ASRGL1: variants seen among roughly 807,000 people sequenced by gnomAD.
ASRGL1 encodes asparaginase and isoaspartyl peptidase 1, also known as isoaspartyl peptidase/L-asparaginase.
Under a neutral mutation model 22.4 loss-of-function variants are expected in ASRGL1, and 16 were observed. That is an observed-to-expected ratio of 0.71 (90% CI 0.48 to 1.08). The LOEUF (loss-of-function observed/expected upper bound fraction) is 1.08. Among genes scored for constraint, ASRGL1 ranks in the 50% least tolerant of loss-of-function variants. The probability of loss-of-function intolerance (pLI) is 0.00; values close to 1 mark genes in which losing one functional copy is unlikely to be tolerated. For missense variants in ASRGL1, 412 were observed against 410.1 expected (o/e 1.00, Z -0.04); for synonymous variants, 165 against 159.3 (o/e 1.04, Z -0.27).
intron 4 of ASRGL1, among the ~76,000 whole-genome samples, chr11:62,366,334 A>G (rs1332288903): frequency 6.8e-6 from 1 of 146,980 alleles, no homozygotes; most frequent in African/African-American, 2.5e-5. Context: ...TTCAAGATAC[A>G]TTTACCACAG....
Position 62,366,575 on chromosome 11 carries a change from T to C in ASRGL1, c.491+9431T>C, listed in dbSNP as rs1446917400. ...GAGCATTTTACATTTGTTTATGGGT[T>C]TTTCCTTTTTACAAATTTGCCTAGT... is the stretch of plus-strand genomic sequence containing the variant. On this transcript the variant is annotated intron_variant, in intron 4 of 6. Transcript: ENST00000415229. Among the ~76,000 whole-genome samples the C allele has an allele frequency of 8.9e-5, 13 of 146,810 alleles. 1 individual carries two copies. Among genetic ancestry groups the C allele is most frequent in the Admixed American group, 5.5e-4 (8 of 14,566 alleles).
At chr11:62,358,371 GAAAAAAAA>G (rs34743439) in intron 4 of ASRGL1, among the ~76,000 whole-genome samples, 1 of 111,844 alleles carries the variant, frequency 8.9e-6, no homozygotes, top group East Asian at 2.6e-4. Flanking sequence ...CTCCGTCTCA[GAAAAAAAA>G]AAAAAAAAAA....
At position 62,389,201 on chromosome 11, in the gene ASRGL1, G is replaced by A; in HGVS notation, c.560G>A (p.Gly187Asp). ...AATGTAGCCTACGCAACCTCCACAGGCGGTATCGTTAATAAAATGGTCGGC... is the reference window on the plus strand; with the variant it reads ...AATGTAGCCTACGCAACCTCCACAGACGGTATCGTTAATAAAATGGTCGGC... ...KGNVAYATST[G>D]GIVNKMVGRV... Residue 187 changes from glycine (G) to aspartate (D), a missense_variant, in exon 5 of 7, where the codon GGC (glycine) becomes GAC (aspartate). Physicochemically the swap from Gly to Asp is moderately conservative, Grantham distance 94. Transcript: ENST00000415229. 6.2e-7 allele frequency: 1 copy of A among 1,614,156 alleles called. No individual in the cohort carries two copies. The highest frequency in any genetic ancestry group is 8.5e-7 in the Non-Finnish European group (1 of 1,180,036).
chr11:62,362,588 TATA>T (rs1946480830), intron 4 of ASRGL1, among the ~76,000 whole-genome samples: 2 of 71,488 alleles, frequency 2.8e-5, no homozygotes. Flanking sequence ...ATATAAAATA[TATA>T]ATATATATTA....
intron 2 of ASRGL1, among the ~76,000 whole-genome samples, chr11:62,340,124 C>T (rs1193382581): frequency 6.6e-6 from 1 of 151,796 alleles, no homozygotes; most frequent in East Asian, 1.9e-4. Flanking sequence ...CAAAAATCAG[C>T]TGAGCGTGGT....
Position 62,386,374 on chromosome 11 carries a change from ATTG to A in ASRGL1, c.492-2756_492-2754del, listed in dbSNP as rs547724373. 1.6e-3 allele frequency among the ~76,000 whole-genome samples: 114 copies of A among 71,762 alleles called. No individual in the cohort carries two copies. The East Asian group carries it at 0.017, about 11-fold the overall frequency. The allele number at this position is 71,762 out of a possible 152,430, so 47.1% of individuals were successfully genotyped here. A position where few individuals can be genotyped will look rare whatever the true frequency, so the allele number is the denominator to read the frequency against. On this transcript the variant is annotated intron_variant, in intron 4 of 6. Transcript: ENST00000415229. ...ATTCACATAACTTTTACTATAGTAT[ATTG>A]TTATAATTGTATTATTTTATTATTG...
intron 4 of ASRGL1, chr11:62,371,314 G>A (rs1946757095): frequency 7.3e-7 from 1 of 1,364,968 alleles, no homozygotes; most frequent in African/African-American, 1.5e-5. Flanking sequence ...CCTGGAGCTC[G>A]ACGGGGCCCC....
At chr11:62,344,353 CTG>C (rs1945956266) in intron 2 of ASRGL1, among the ~76,000 whole-genome samples, 1 of 152,082 alleles carries the variant, frequency 6.6e-6, no homozygotes, top group South Asian at 2.1e-4. Context: ...TTCTTTCAGT[CTG>C]TGGTTTGTCT....
At chr11:62,363,390 C>A (rs986813165) in intron 4 of ASRGL1, among the ~76,000 whole-genome samples, 7 of 152,024 alleles carry the variant, frequency 4.6e-5, no homozygotes, top group Non-Finnish European at 1.0e-4. Flanking sequence ...ATCCCTAAAC[C>A]AGTTTCTATA....
intron 2 of ASRGL1, among the ~76,000 whole-genome samples, chr11:62,348,081 G>T (rs1946074564): frequency 6.6e-6 from 1 of 152,184 alleles, no homozygotes; most frequent in Admixed American, 6.5e-5. Context: ...GGTATCATAA[G>T]TGATTTAGAG....
intron 2 of ASRGL1, among the ~76,000 whole-genome samples, chr11:62,351,070 A>G (rs1290226508): frequency 2.0e-5 from 3 of 152,196 alleles, no homozygotes; most frequent in East Asian, 1.9e-4. Context: ...TATGCTGTAC[A>G]TGGATAAACA....
At chr11:62,396,149 T>C (rs1947430762), downstream of ASRGL1, among the ~76,000 whole-genome samples, 1 of 151,832 alleles carries the variant, frequency 6.6e-6, no homozygotes, top group Admixed American at 6.6e-5. Flanking sequence ...CCTCTCCCTT[T>C]TGCATAGGTG....
intron 2 of ASRGL1, among the ~76,000 whole-genome samples, chr11:62,340,571 T>C (rs186817482): frequency 9.4e-4 from 143 of 152,330 alleles, no homozygotes; most frequent in African/African-American, 3.2e-3. Context: ...GATTAGGGAA[T>C]TGGAGCAGCT....
chr11:62,358,370 A>AG (rs1190490836), intron 4 of ASRGL1, among the ~76,000 whole-genome samples: 1 of 78,024 alleles, frequency 1.3e-5, no homozygotes, highest in African/African-American at 4.3e-5. Context: ...ACTCCGTCTC[A>AG]GAAAAAAAAA....
chr11:62,343,713 G>GC (rs1348013895), intron 2 of ASRGL1, among the ~76,000 whole-genome samples: 2 of 111,962 alleles, frequency 1.8e-5, no homozygotes, highest in African/African-American at 6.7e-5. Flanking sequence ...GGGCAACAAA[G>GC]CAAGACTCCA....
At chr11:62,369,094 C>T (rs1254963454) in intron 4 of ASRGL1, among the ~76,000 whole-genome samples, 1 of 152,180 alleles carries the variant, frequency 6.6e-6, no homozygotes, top group African/African-American at 2.4e-5. Context: ...ATATCTCAGG[C>T]TATCACATGG....
chr11:62,372,481 G>C, intron 4 of ASRGL1: 5 of 1,388,358 alleles, frequency 3.6e-6, no homozygotes, highest in Non-Finnish European at 5.1e-6. Context: ...ACACAACTCA[G>C]ATGGGAAGTT....
At chr11:62,382,682 G>A (rs1347012179) in intron 4 of ASRGL1, 1 of 151,928 alleles carries the variant, frequency 6.6e-6, no homozygotes, top group African/African-American at 2.4e-5. Context: ...CTGGGGGACA[G>A]TGTCGGGCTG....
chr11:62,397,120 C>T (rs1256262623), downstream of ASRGL1, among the ~76,000 whole-genome samples: 1 of 152,180 alleles, frequency 6.6e-6, no homozygotes, highest in African/African-American at 2.4e-5. Context: ...ACCTCCGTCT[C>T]CTGGGTTCAA....
Sources: gnomAD v4.1 joint callset for allele counts (sites outside exome capture counted in the v4.1 genomes callset) on GRCh38, gnomAD v4.1.1 for gene constraint, MANE v1.5 for transcripts, NCBI Gene and HGNC (gene_info 2026-07-23, HGNC 2026-07-21) for gene names.